DNER: variants seen among roughly 807,000 people sequenced by gnomAD.
DNER encodes the protein delta/notch like EGF repeat containing.
Under a neutral mutation model 78.2 loss-of-function variants are expected in DNER, and 33 were observed. The observed-to-expected ratio is 0.42, with a 90% CI of 0.32 to 0.56. The LOEUF (loss-of-function observed/expected upper bound fraction) is 0.56. Among genes scored for constraint, DNER ranks in the 20% least tolerant of loss-of-function variants. The pLI is 0.11. For missense variants in DNER, 918 were observed against 975.3 expected, an observed-to-expected ratio of 0.94 and a Z score of 0.78; for synonymous variants, 417 against 384.8, an observed-to-expected ratio of 1.08 and a Z score of -0.98.
chr2:229,678,657 A>G (rs1559206319), intron 1 of DNER, among the ~76,000 whole-genome samples: 1 of 152,140 alleles, frequency 6.6e-6, no homozygotes, highest in Non-Finnish European at 1.5e-5. Flanking sequence ...AACCCGCCCT[A>G]TATGATCTCA....
At chr2:229,506,253 G>A (rs1372429742) in intron 6 of DNER, among the ~76,000 whole-genome samples, 1 of 152,116 alleles carries the variant, frequency 6.6e-6, no homozygotes, top group African/African-American at 2.4e-5. Context: ...TTCTTTACAT[G>A]CTGGCAGGAA....
chr2:229,650,072 C>CAAA (rs34030074), intron 1 of DNER, among the ~76,000 whole-genome samples: 2 of 93,122 alleles, frequency 2.1e-5, no homozygotes, highest in South Asian at 3.5e-4. Flanking sequence ...AAGACTCCGT[C>CAAA]AAAAAAAAAA....
At chr2:229,413,858 A>C (rs1027117345) in intron 9 of DNER, among the ~76,000 whole-genome samples, 2 of 151,986 alleles carry the variant, frequency 1.3e-5, no homozygotes, top group African/African-American at 4.8e-5. Flanking sequence ...GTAAAAAGTT[A>C]AAGCTTAACT....
At chr2:229,537,662 G>A (rs912999241) in intron 5 of DNER, among the ~76,000 whole-genome samples, 2 of 152,102 alleles carry the variant, frequency 1.3e-5, no homozygotes, top group African/African-American at 4.8e-5. Context: ...TTCTATAACT[G>A]TCCGCATGGG....
chr2:229,470,566 T>C (rs1030950383), intron 7 of DNER, among the ~76,000 whole-genome samples: 2 of 152,030 alleles, frequency 1.3e-5, no homozygotes, highest in Non-Finnish European at 2.9e-5. Context: ...AAATAAAATT[T>C]TGGAAGGGCG....
intron 5 of DNER, among the ~76,000 whole-genome samples, chr2:229,533,720 G>T (rs1422895453): frequency 1.3e-5 from 2 of 152,100 alleles, no homozygotes; most frequent in African/African-American, 2.4e-5. Context: ...CAAAAAAAAT[G>T]ACCAAAAGAC....
intron 5 of DNER, among the ~76,000 whole-genome samples, chr2:229,545,945 C>T (rs1696619082): frequency 6.6e-6 from 1 of 152,212 alleles, no homozygotes; most frequent in African/African-American, 2.4e-5. Context: ...CAACAGTCCC[C>T]AAAACGGGTA....
At chr2:229,458,765 T>C (rs1694631049) in intron 7 of DNER, among the ~76,000 whole-genome samples, 1 of 150,864 alleles carries the variant, frequency 6.6e-6, no homozygotes, top group African/African-American at 2.5e-5. Context: ...TACTGGAGGT[T>C]CTATATATGC....
At chr2:229,377,789 T>G (rs1692640861) in intron 11 of DNER, among the ~76,000 whole-genome samples, 1 of 152,118 alleles carries the variant, frequency 6.6e-6, no homozygotes, top group Non-Finnish European at 1.5e-5. Context: ...ATTGTAATAT[T>G]TAAGAACAAA....
Position 229,714,353 on chromosome 2 carries a change from A to C in DNER, c.71T>G (p.Leu24Arg). The C allele has an allele frequency of 8.3e-7, 1 of 1,199,734 alleles. No individual in the cohort carries two copies. The highest frequency in any genetic ancestry group is 1.0e-6 in the Non-Finnish European group (1 of 969,158). 74.3% of individuals were successfully genotyped at this position (1,199,734 alleles called of 1,614,324 possible). A position where few individuals can be genotyped will look rare whatever the true frequency, so the allele number is the denominator to read the frequency against. ...GGAGCTGCCTCGGGGCCCCGCTCCG[A>C]GCAGCAGCAGCAGCAGGGCCAGCGC... is the stretch of plus-strand genomic sequence containing the variant. ...LPALALLLLL[L>R]GAGPRGSSLA... is the part of the protein sequence containing the mutation. The change falls in exon 1 of 13, where the codon CTC (leucine) becomes CGC (arginine). Residue 24 changes from leucine to arginine, a missense_variant. Leu to Arg is a moderately radical substitution (Grantham distance 102). Coordinates refer to ENST00000341772, the MANE Select transcript of DNER (RefSeq NM_139072.4).
intron 11 of DNER, among the ~76,000 whole-genome samples, chr2:229,380,966 T>C (rs1385208603): frequency 6.6e-6 from 1 of 151,400 alleles, no homozygotes; most frequent in South Asian, 2.1e-4. Flanking sequence ...AAAAGAAAAC[T>C]GGAGGGGAGG....
chr2:229,396,968 T>C (rs549138044), intron 10 of DNER, among the ~76,000 whole-genome samples: 2 of 152,266 alleles, frequency 1.3e-5, no homozygotes, highest in South Asian at 4.1e-4. Flanking sequence ...AGGTAGGTAT[T>C]ATTACCTTCC....
Position 229,491,700 on chromosome 2 carries a change from C to A in DNER, c.1148-14447G>T, listed in dbSNP as rs185992291. On this transcript the variant is annotated intron_variant, in intron 6 of 12. Transcript: ENST00000341772. ...ATCCCTTTACCCTGTTTTATTTTTT[C>A]TTCACAGCACCTATCACTCCTTGAT... Among the ~76,000 whole-genome samples, 19 of 152,154 alleles carry A rather than the reference C, an allele frequency of 1.2e-4. 1 individual carries two copies. The highest frequency in any genetic ancestry group is 4.1e-4 in the African/African-American group (17 of 41,510).
At chr2:229,496,891 C>A (rs1695514002) in intron 6 of DNER, among the ~76,000 whole-genome samples, 1 of 152,086 alleles carries the variant, frequency 6.6e-6, no homozygotes, top group South Asian at 2.1e-4. Context: ...AATAGAGAGA[C>A]TATACAGACA....
intron 4 of DNER, among the ~76,000 whole-genome samples, chr2:229,563,735 C>A (rs1035757656): frequency 5.8e-5 from 8 of 138,994 alleles, no homozygotes; most frequent in East Asian, 2.5e-4. Context: ...ATCATCATCA[C>A]CCCATCACCA....
intron 7 of DNER, among the ~76,000 whole-genome samples, chr2:229,456,356 C>A (rs1694573165): frequency 6.6e-6 from 1 of 151,570 alleles, no homozygotes; most frequent in Non-Finnish European, 1.5e-5. Context: ...CCACCAGGCC[C>A]CACCTCCAAC....
At chr2:229,589,926 T>C (rs967669868) in intron 2 of DNER, among the ~76,000 whole-genome samples, 1 of 137,908 alleles carries the variant, frequency 7.3e-6, no homozygotes. Flanking sequence ...AAAAAAAAAG[T>C]GGGTCAACTG....
At chr2:229,670,747 C>A (rs780555414) in intron 1 of DNER, among the ~76,000 whole-genome samples, 1 of 152,208 alleles carries the variant, frequency 6.6e-6, no homozygotes, top group Non-Finnish European at 1.5e-5. Context: ...TATCCCACTC[C>A]GTCCATAGAG....
At chr2:229,574,236 G>A (rs549878247) in intron 4 of DNER, among the ~76,000 whole-genome samples, 1 of 151,998 alleles carries the variant, frequency 6.6e-6, no homozygotes, top group Non-Finnish European at 1.5e-5. Flanking sequence ...TTCCATATCT[G>A]GGAATTTAAC....
Sources: gnomAD v4.1 joint callset for allele counts (sites outside exome capture counted in the v4.1 genomes callset) on GRCh38, gnomAD v4.1.1 for gene constraint, MANE v1.5 for transcripts, NCBI Gene and HGNC (gene_info 2026-07-23, HGNC 2026-07-21) for gene names.